KHDRBS2: variants seen among roughly 807,000 people sequenced by gnomAD.
KHDRBS2 encodes KH RNA binding domain containing, signal transduction associated 2, also known as KH domain-containing, RNA-binding, signal transduction-associated protein 2.
In KHDRBS2, 26 loss-of-function variants were observed where a neutral mutation model predicts 44.3. The observed-to-expected ratio is 0.59, with a 90% confidence interval of 0.43 to 0.81. KHDRBS2 has a LOEUF of 0.81. Among genes scored for constraint, KHDRBS2 ranks in the 40% least tolerant of loss-of-function variants. The pLI is 0.00. For synonymous variants in KHDRBS2, 194 were observed against 151.1 expected (o/e 1.28, Z -2.08); for missense variants, 476 against 433.1 (o/e 1.10, Z -0.88).
chr6:62,147,000 T>A (rs1026321544), intron 2 of KHDRBS2, among the ~76,000 whole-genome samples: 12 of 152,054 alleles, frequency 7.9e-5, no homozygotes, highest in African/African-American at 2.2e-4. Context: ...AGCAGTTATA[T>A]TTACACTCAG....
At chr6:62,199,693 C>T (rs1481861541) in intron 1 of KHDRBS2, among the ~76,000 whole-genome samples, 1 of 152,198 alleles carries the variant, frequency 6.6e-6, no homozygotes, top group Non-Finnish European at 1.5e-5. Context: ...CCATCCCCAT[C>T]AAGCTACCAA....
At chr6:62,160,430 G>C (rs1817380414) in intron 2 of KHDRBS2, among the ~76,000 whole-genome samples, 1 of 152,056 alleles carries the variant, frequency 6.6e-6, no homozygotes, top group African/African-American at 2.4e-5. Context: ...CAAGTGTTAG[G>C]AATGCTAGCC....
intron 4 of KHDRBS2, among the ~76,000 whole-genome samples, chr6:61,925,712 GCT>G (rs900762138): frequency 6.8e-6 from 1 of 146,278 alleles, no homozygotes; most frequent in Non-Finnish European, 1.5e-5. Flanking sequence ...ACAGAGTAAG[GCT>G]CTCTCTCTCT....
intron 3 of KHDRBS2, among the ~76,000 whole-genome samples, chr6:61,998,877 A>T (rs555478437): frequency 1.3e-5 from 2 of 152,188 alleles, no homozygotes; most frequent in East Asian, 3.9e-4. Context: ...TCTAAGTATA[A>T]CTTTATCCTG....
chr6:62,061,074 A>C (rs942339221), intron 2 of KHDRBS2, among the ~76,000 whole-genome samples: 45 of 151,960 alleles, frequency 3.0e-4, no homozygotes, highest in African/African-American at 1.0e-3. Flanking sequence ...TGTCTCTGAA[A>C]GTTAGATGGG....
At chr6:62,077,918 G>T (rs192244209) in intron 2 of KHDRBS2, among the ~76,000 whole-genome samples, 199 of 152,070 alleles carry the variant, frequency 1.3e-3, no homozygotes, top group African/African-American at 4.6e-3. Context: ...CATCTCCTCT[G>T]ATTTAAAAAA....
chr6:61,672,362 G>A, the KHDRBS2 span, among the ~76,000 whole-genome samples: 2 of 152,034 alleles, frequency 1.3e-5, no homozygotes, highest in Admixed American at 1.3e-4. Flanking sequence ...TATAAACCCA[G>A]TAATGGGATG....
At chr6:62,101,245 G>T (rs1342493934) in intron 2 of KHDRBS2, among the ~76,000 whole-genome samples, 1 of 151,914 alleles carries the variant, frequency 6.6e-6, no homozygotes, top group African/African-American at 2.4e-5. Context: ...CTACCTAGAT[G>T]CTATGGTCAA....
chr6:61,846,634 T>C (rs116678237), intron 6 of KHDRBS2, among the ~76,000 whole-genome samples: 102 of 152,246 alleles, frequency 6.7e-4, no homozygotes, highest in Non-Finnish European at 1.2e-3. Flanking sequence ...CACTAAGAAG[T>C]CTTGTAATGA....
At chr6:61,794,925 G>A (rs1785096616) in intron 6 of KHDRBS2, among the ~76,000 whole-genome samples, 1 of 151,932 alleles carries the variant, frequency 6.6e-6, no homozygotes, top group Admixed American at 6.6e-5. Context: ...GATCACTTGA[G>A]GTCAGGGGTT....
chr6:62,128,084 C>G (rs1342584461), intron 2 of KHDRBS2, among the ~76,000 whole-genome samples: 1 of 152,096 alleles, frequency 6.6e-6, no homozygotes, highest in Non-Finnish European at 1.5e-5. Context: ...TACTTCCTTG[C>G]ATCTAAATAT....
At chr6:62,034,305 G>A (rs1395800962) in intron 3 of KHDRBS2, among the ~76,000 whole-genome samples, 5 of 151,704 alleles carry the variant, frequency 3.3e-5, no homozygotes, top group South Asian at 2.1e-4. Flanking sequence ...GAGGAGAAAC[G>A]AATACTAACA....
intron 4 of KHDRBS2, among the ~76,000 whole-genome samples, chr6:61,958,521 T>C (rs188473654): frequency 6.6e-6 from 1 of 152,276 alleles, no homozygotes; most frequent in Admixed American, 6.5e-5. Context: ...GATATAATAA[T>C]TTTCCTCTCA....
chr6:61,758,645 C>A (rs1003029979), intron 6 of KHDRBS2, among the ~76,000 whole-genome samples: 2 of 151,868 alleles, frequency 1.3e-5, no homozygotes, highest in Admixed American at 6.6e-5. Context: ...CAAATATGGC[C>A]CACAAGAGTA....
At chr6:61,624,519 C>T in the KHDRBS2 span, among the ~76,000 whole-genome samples, 1 of 152,170 alleles carries the variant, frequency 6.6e-6, no homozygotes, top group Admixed American at 6.5e-5. Context: ...CTTAAGTCCG[C>T]ACCATTTGCC....
At chr6:61,634,124 A>G in the KHDRBS2 span, among the ~76,000 whole-genome samples, 1 of 152,054 alleles carries the variant, frequency 6.6e-6, no homozygotes. Context: ...ATTTAGTTCA[A>G]TATAAACTTA....
At chr6:61,651,431 C>A in the KHDRBS2 span, among the ~76,000 whole-genome samples, 10 of 151,994 alleles carry the variant, frequency 6.6e-5, no homozygotes, top group East Asian at 1.9e-3. Flanking sequence ...GCTGAATAAA[C>A]TATGTGTTTT....
At chr6:61,994,664 G>T (rs1421099356) in intron 3 of KHDRBS2, among the ~76,000 whole-genome samples, 1 of 152,112 alleles carries the variant, frequency 6.6e-6, no homozygotes, top group Non-Finnish European at 1.5e-5. Context: ...TGAGATAAAG[G>T]TCAGAAGAAA....
the KHDRBS2 span, among the ~76,000 whole-genome samples, chr6:61,655,231 C>T: frequency 1.6e-4 from 23 of 140,184 alleles, no homozygotes; most frequent in Admixed American, 7.0e-5. Context: ...TACATACACA[C>T]ACACACACAC....
Sources: allele counts gnomAD v4.1 joint callset (sites outside exome capture counted in the v4.1 genomes callset), GRCh38; gene constraint gnomAD v4.1.1; transcripts MANE v1.5; gene names NCBI Gene and HGNC (gene_info 2026-07-23, HGNC 2026-07-21).